GALNT16: variants seen among roughly 807,000 people sequenced by gnomAD.
The protein encoded by GALNT16 is polypeptide N-acetylgalactosaminyltransferase 16, also known as UDP-GalNAc:polypeptide N-acetylgalactosaminyltransferase-like protein 1.
GALNT16 carries 40 observed loss-of-function variants against 76.1 expected under a neutral mutation model. The observed-to-expected ratio is 0.53, with a 90% CI of 0.41 to 0.68. The LOEUF (loss-of-function observed/expected upper bound fraction) is 0.68, where lower values mean the gene tolerates loss of function less well. Among genes scored for constraint, GALNT16 ranks in the 30% least tolerant of loss-of-function variants. The pLI is 0.00. For synonymous variants in GALNT16, 276 were observed against 285.2 expected, an observed-to-expected ratio of 0.97 and a Z score of 0.32; for missense variants, 621 against 731.9, an observed-to-expected ratio of 0.85 and a Z score of 1.75.
chr14:69,274,795 G>A (rs1262118841), intron 1 of GALNT16, among the ~76,000 whole-genome samples: 3 of 152,152 alleles, frequency 2.0e-5, no homozygotes, highest in Non-Finnish European at 4.4e-5. Flanking sequence ...CTTTTTGACT[G>A]TCCAGCTTGT....
At chr14:69,316,818 C>G (rs1389998432) in intron 1 of GALNT16, among the ~76,000 whole-genome samples, 2 of 151,402 alleles carry the variant, frequency 1.3e-5, no homozygotes, top group African/African-American at 4.9e-5. Context: ...TCACAGGGTC[C>G]CATTTGTTTG....
At chr14:69,272,650 C>T (rs1377877414) in intron 1 of GALNT16, among the ~76,000 whole-genome samples, 3 of 152,186 alleles carry the variant, frequency 2.0e-5, no homozygotes, top group Non-Finnish European at 4.4e-5. Context: ...ACTCATCACG[C>T]ACTCACTGAC....
At chr14:69,365,077 T>A in the GALNT16 span, among the ~76,000 whole-genome samples, 3 of 152,212 alleles carry the variant, frequency 2.0e-5, no homozygotes, top group Non-Finnish European at 4.4e-5. Context: ...ATGCTGTTTC[T>A]GTAAACCACT....
intron 2 of GALNT16, among the ~76,000 whole-genome samples, 195 bp from the exon 3 acceptor site, chr14:69,324,497 A>G (rs918662476): frequency 6.6e-6 from 1 of 152,102 alleles, no homozygotes; most frequent in African/African-American, 2.4e-5. Flanking sequence ...GGACCCCAGG[A>G]TGGGTGGCAT....
chr14:69,284,399 A>G (rs1387728080), intron 1 of GALNT16, among the ~76,000 whole-genome samples: 3 of 152,192 alleles, frequency 2.0e-5, no homozygotes, highest in African/African-American at 7.2e-5. Context: ...TGTAACTTCC[A>G]GTTAACTCAC....
chr14:69,296,728 T>TGATAGATCGATAGATA (rs74676197), intron 1 of GALNT16, among the ~76,000 whole-genome samples: 5 of 142,056 alleles, frequency 3.5e-5, no homozygotes, highest in African/African-American at 7.9e-5. Flanking sequence ...GACAGATAGA[T>TGATAGATCGATAGATA]GATAGATAGA....
At chr14:69,297,559 C>G (rs1039887718) in intron 1 of GALNT16, among the ~76,000 whole-genome samples, 2 of 151,300 alleles carry the variant, frequency 1.3e-5, no homozygotes, top group Middle Eastern at 3.2e-3. Context: ...ACTTAGCTCA[C>G]TTTTAATGCT....
chr14:69,384,862 C>A, the GALNT16 span, among the ~76,000 whole-genome samples: 183 of 152,262 alleles, frequency 1.2e-3, no homozygotes, highest in Non-Finnish European at 2.2e-3. Context: ...GTGGATGATT[C>A]TGTCAACACT....
At chr14:69,369,577 G>A in the GALNT16 span, among the ~76,000 whole-genome samples, 3 of 152,248 alleles carry the variant, frequency 2.0e-5, no homozygotes, top group Admixed American at 1.3e-4. Context: ...GAACGGAGTG[G>A]TTAACTTTTC....
chr14:69,312,391 C>T (rs551039187), intron 1 of GALNT16, among the ~76,000 whole-genome samples: 2 of 152,202 alleles, frequency 1.3e-5, no homozygotes, highest in Non-Finnish European at 2.9e-5. Flanking sequence ...CCGACCTGGA[C>T]CCCATGTTAG....
At chr14:69,268,513 T>C (rs898706056) in intron 1 of GALNT16, among the ~76,000 whole-genome samples, 1 of 152,080 alleles carries the variant, frequency 6.6e-6, no homozygotes, top group Non-Finnish European at 1.5e-5. Flanking sequence ...GAGGGGCCCC[T>C]CCTGCCTCCA....
At chr14:69,294,569 C>G (rs920249818) in intron 1 of GALNT16, among the ~76,000 whole-genome samples, 2 of 152,076 alleles carry the variant, frequency 1.3e-5, no homozygotes, top group African/African-American at 4.8e-5. Context: ...TTCTGTTATC[C>G]CAAAAGGATC....
intron 1 of GALNT16, among the ~76,000 whole-genome samples, chr14:69,265,548 C>G (rs1418352374): frequency 6.6e-6 from 1 of 152,194 alleles, no homozygotes; most frequent in Admixed American, 6.5e-5. Context: ...GGAAGCTTCT[C>G]TGAGGTCAGA....
At chr14:69,308,100 G>A (rs1048712597) in intron 1 of GALNT16, among the ~76,000 whole-genome samples, 4 of 152,048 alleles carry the variant, frequency 2.6e-5, no homozygotes, top group Admixed American at 2.0e-4. Context: ...AAGCTACTCC[G>A]GACGGTACCT....
the GALNT16 span, among the ~76,000 whole-genome samples, chr14:69,372,865 ACT>A: frequency 3.3e-5 from 5 of 151,898 alleles, no homozygotes; most frequent in African/African-American, 1.2e-4. Flanking sequence ...TTTTCCTAAC[ACT>A]CTGCAAGAAA....
At chr14:69,271,916 A>G (rs2044411621) in intron 1 of GALNT16, among the ~76,000 whole-genome samples, 1 of 152,232 alleles carries the variant, frequency 6.6e-6, no homozygotes, top group Non-Finnish European at 1.5e-5. Context: ...ATATTTGGAT[A>G]TATTAGGTGA....
chr14:69,287,787 G>A (rs549002548), intron 1 of GALNT16, among the ~76,000 whole-genome samples: 1 of 152,158 alleles, frequency 6.6e-6, no homozygotes, highest in Non-Finnish European at 1.5e-5. Context: ...CAGATTTGAG[G>A]TGAAAACACA....
At chr14:69,269,222 CTG>C (rs1470621894) in intron 1 of GALNT16, among the ~76,000 whole-genome samples, 1 of 152,064 alleles carries the variant, frequency 6.6e-6, no homozygotes, top group Non-Finnish European at 1.5e-5. Flanking sequence ...GGAAAATGTT[CTG>C]TGTCTTGGAA....
chr14:69,339,283 G>A (rs940327592), intron 10 of GALNT16, among the ~76,000 whole-genome samples: 5 of 152,070 alleles, frequency 3.3e-5, no homozygotes, highest in South Asian at 2.1e-4. Context: ...TCACCTTGTC[G>A]AGCTCATGCT....
Sources: allele counts gnomAD v4.1 joint callset (sites outside exome capture counted in the v4.1 genomes callset), GRCh38; gene constraint gnomAD v4.1.1; transcripts MANE v1.5; gene names NCBI Gene and HGNC (gene_info 2026-07-23, HGNC 2026-07-21).